The following DAB1 variants were observed in gnomAD, a reference collection of about 807,000 sequenced individuals.
The protein encoded by DAB1 is disabled homolog 1.
DAB1 carries 15 observed loss-of-function variants against 64.6 expected under a neutral mutation model. That is an observed-to-expected ratio of 0.23 (90% confidence interval 0.16 to 0.36). The LOEUF (loss-of-function observed/expected upper bound fraction) is 0.36, where lower values mean the gene tolerates loss of function less well. Among genes scored for constraint, DAB1 ranks in the 10% least tolerant of loss-of-function variants. The pLI is 1.00. For synonymous variants in DAB1, 235 were observed against 251.9 expected (o/e 0.93, Z 0.64); for missense variants, 596 against 706.7 (o/e 0.84, Z 1.78).
chr1:57,947,588 A>G (rs1030314763), intron 5 of DAB1, among the ~76,000 whole-genome samples: 1 of 152,130 alleles, frequency 6.6e-6, no homozygotes, highest in African/African-American at 2.4e-5. Context: ...ACTCTCTCCC[A>G]CATGACAAAC....
chr1:57,860,544 T>C (rs1489712521), intron 1 of DAB1: 1 of 152,230 alleles, frequency 6.6e-6, no homozygotes, highest in Non-Finnish European at 1.5e-5. Context: ...GTAACGTCTG[T>C]TTGGTACAAT....
chr1:57,506,208 AG>A (rs1322777496), intron 7 of DAB1, among the ~76,000 whole-genome samples: 1 of 152,162 alleles, frequency 6.6e-6, no homozygotes, highest in Non-Finnish European at 1.5e-5. Flanking sequence ...AGAAAAAAGG[AG>A]GAAAGGGGAA....
At chr1:58,314,358 T>C (rs973599788) in intron 4 of DAB1, among the ~76,000 whole-genome samples, 2 of 152,194 alleles carry the variant, frequency 1.3e-5, no homozygotes, top group Admixed American at 6.5e-5. Flanking sequence ...TTTTGGGTCC[T>C]TTCTGTTTAT....
rs146036921 is a variant in DAB1, at chr1:57,304,210, T to A, written c.-136-13044A>T. On this transcript the variant is annotated intron_variant, in intron 1 of 14. Coordinates refer to ENST00000371236, the MANE Select transcript of DAB1 (RefSeq NM_001365792.1). Reference sequence around the variant, plus strand: ...GTGAAAACAGGAGCAGGAGAGAAGGTGGGGGAGGTGCCTCATACTTTTAAA... The same window carrying A: ...GTGAAAACAGGAGCAGGAGAGAAGGAGGGGGAGGTGCCTCATACTTTTAAA... 1.8e-4 allele frequency among the ~76,000 whole-genome samples: 27 copies of A among 152,160 alleles called. No homozygotes were observed. In the East Asian group the frequency reaches 4.6e-3, roughly 26 times the overall value.
At chr1:57,795,690 G>GATATATATATATATATATATATAT (rs3081038) in intron 6 of DAB1, among the ~76,000 whole-genome samples, 3 of 69,090 alleles carry the variant, frequency 4.3e-5, no homozygotes, top group Non-Finnish European at 7.9e-5. Flanking sequence ...TATGCTTGGA[G>GATATATATATATATATATATATAT]ATATATATAT....
intron 5 of DAB1, among the ~76,000 whole-genome samples, chr1:58,042,198 C>T (rs925681608): frequency 3.3e-5 from 5 of 152,306 alleles, no homozygotes; most frequent in Middle Eastern, 3.4e-3. Flanking sequence ...GACAAACTCA[C>T]GGCTGGATTT....
intron 2 of DAB1, among the ~76,000 whole-genome samples, chr1:57,244,196 T>C (rs1249519223): frequency 2.6e-5 from 4 of 152,236 alleles, no homozygotes; most frequent in Non-Finnish European, 4.4e-5. Context: ...AGCCTTACAC[T>C]ATCTCCATTG....
At chr1:57,347,844 A>G (rs1178804857) in intron 1 of DAB1, among the ~76,000 whole-genome samples, 1 of 152,160 alleles carries the variant, frequency 6.6e-6, no homozygotes, top group Non-Finnish European at 1.5e-5. Flanking sequence ...GTTACTGCTA[A>G]AAGGAGCAAG....
chr1:57,503,336 T>G (rs939627041), intron 7 of DAB1, among the ~76,000 whole-genome samples: 1 of 152,224 alleles, frequency 6.6e-6, no homozygotes, highest in African/African-American at 2.4e-5. Context: ...TGTTTCTCAG[T>G]CTCTAGGTCC....
chr1:58,506,672 T>C (rs1250040271), intron 2 of DAB1, among the ~76,000 whole-genome samples: 1 of 152,180 alleles, frequency 6.6e-6, no homozygotes, highest in East Asian at 1.9e-4. Flanking sequence ...AAATTAAAAA[T>C]TCTGTTTTCA....
chr1:57,639,731 T>C (rs1028020578), intron 7 of DAB1, among the ~76,000 whole-genome samples: 2 of 152,052 alleles, frequency 1.3e-5, no homozygotes, highest in African/African-American at 4.8e-5. Flanking sequence ...ACAGACAAGG[T>C]CGCTGCCCTC....
intron 9 of DAB1, among the ~76,000 whole-genome samples, chr1:57,043,150 T>A (rs1648014423): frequency 6.6e-6 from 1 of 152,218 alleles, no homozygotes; most frequent in Non-Finnish European, 1.5e-5. Flanking sequence ...CAATCTGAGA[T>A]AGTCTTCGCT....
chr1:57,413,793 A>G (rs1684297493), intron 1 of DAB1, among the ~76,000 whole-genome samples: 1 of 151,880 alleles, frequency 6.6e-6, no homozygotes, highest in Non-Finnish European at 1.5e-5. Context: ...TGCCATTAAG[A>G]ACATTTGTGA....
intron 6 of DAB1, among the ~76,000 whole-genome samples, chr1:57,717,273 AAAAG>A (rs1221197133): frequency 4.0e-5 from 6 of 151,832 alleles, no homozygotes; most frequent in Admixed American, 1.3e-4. Context: ...AAATAAAAAA[AAAAG>A]AAAGAAAGAA....
intron 2 of DAB1, among the ~76,000 whole-genome samples, chr1:57,287,442 T>C (rs1400507641): frequency 6.6e-6 from 1 of 152,116 alleles, no homozygotes; most frequent in Non-Finnish European, 1.5e-5. Flanking sequence ...AGGAACGAGA[T>C]AAGGACATTT....
chr1:57,969,074 C>T (rs967479767), intron 5 of DAB1, among the ~76,000 whole-genome samples: 6 of 152,078 alleles, frequency 3.9e-5, no homozygotes, highest in Admixed American at 6.5e-5. Context: ...AGTCTGGTTA[C>T]GTGATCACCA....
chr1:57,408,153 C>A (rs985326014), intron 1 of DAB1, among the ~76,000 whole-genome samples: 1 of 152,178 alleles, frequency 6.6e-6, no homozygotes, highest in Non-Finnish European at 1.5e-5. Flanking sequence ...AATGTTTACA[C>A]AAGCGCTGCT....
At chr1:58,163,469 A>G (rs1394552019) in intron 4 of DAB1, among the ~76,000 whole-genome samples, 1 of 152,210 alleles carries the variant, frequency 6.6e-6, no homozygotes, top group African/African-American at 2.4e-5. Context: ...CAAAATTAGC[A>G]AAATCAACCA....
At chr1:57,355,043 T>C (rs1678952727) in intron 1 of DAB1, among the ~76,000 whole-genome samples, 1 of 151,996 alleles carries the variant, frequency 6.6e-6, no homozygotes. Flanking sequence ...TTAGAAGATC[T>C]CCTAAAGTGA....
Sources: gnomAD v4.1 joint callset for allele counts (sites outside exome capture counted in the v4.1 genomes callset) on GRCh38, gnomAD v4.1.1 for gene constraint, MANE v1.5 for transcripts, NCBI Gene and HGNC (gene_info 2026-07-23, HGNC 2026-07-21) for gene names.